COL22A1: variants seen among roughly 807,000 people sequenced by gnomAD.
The protein encoded by COL22A1 is collagen type XXII alpha 1 chain.
COL22A1 carries 221 observed loss-of-function variants against 248.9 expected under a neutral mutation model. That is an observed-to-expected ratio of 0.89 (90% confidence interval 0.80 to 0.99). The LOEUF is 0.99. Among genes scored for constraint, COL22A1 ranks in the 50% least tolerant of loss-of-function variants. The pLI is 0.00. For missense variants in COL22A1, 2,240 were observed against 2,179.0 expected, an observed-to-expected ratio of 1.03 and a Z score of -0.56; for synonymous variants, 891 against 793.4, an observed-to-expected ratio of 1.12 and a Z score of -2.07.
chr8:138,732,853 T>G (rs920460506), intron 23 of COL22A1, among the ~76,000 whole-genome samples: 2 of 152,234 alleles, frequency 1.3e-5, no homozygotes, highest in African/African-American at 2.4e-5. Flanking sequence ...TTATCATTAG[T>G]AAAGAATAAT....
intron 16 of COL22A1, 122 bp from the exon 17 acceptor site, chr8:138,762,588 G>GCACACACACA (rs5895560): frequency 1.8e-6 from 1 of 551,052 alleles, no homozygotes; most frequent in South Asian, 2.1e-5. Flanking sequence ...AAACGCACGT[G>GCACACACACA]CACACACACA....
At chr8:138,802,037 A>G (rs1322852304) in intron 11 of COL22A1, among the ~76,000 whole-genome samples, 1 of 152,224 alleles carries the variant, frequency 6.6e-6, no homozygotes, top group Non-Finnish European at 1.5e-5. Flanking sequence ...CCACCAGGAC[A>G]GGGACTGACT....
In COL22A1 at chr8:138,649,617, A is replaced by G. The variant is rs771173322; in HGVS notation, c.3447+48T>C. On this transcript the variant is annotated intron_variant, in intron 46 of 64. Transcript: ENST00000303045. ...GGGCAATACTGAGATCTCCAGAATG[A>G]TATTTTCATTGTAATGATAAAAATC... 8 of 1,579,234 alleles carry G rather than the reference A, an allele frequency of 5.1e-6. No homozygotes were observed. In the South Asian group the frequency reaches 8.1e-5, roughly 16 times the overall value.
chr8:138,645,252 C>T (rs1043509185), intron 47 of COL22A1, among the ~76,000 whole-genome samples: 1 of 152,094 alleles, frequency 6.6e-6, no homozygotes, highest in Non-Finnish European at 1.5e-5. Flanking sequence ...GCCAGAGGAC[C>T]ACTCAGAACG....
At chr8:138,738,670 C>G (rs187826368) in intron 22 of COL22A1, among the ~76,000 whole-genome samples, 63 of 152,280 alleles carry the variant, frequency 4.1e-4, no homozygotes, top group African/African-American at 1.5e-3. Context: ...TAGTAAGGGG[C>G]AGAGTTCAGA....
At chr8:138,774,556 C>A (rs1343001641) in intron 16 of COL22A1, among the ~76,000 whole-genome samples, 1 of 151,714 alleles carries the variant, frequency 6.6e-6, no homozygotes, top group East Asian at 1.9e-4. Flanking sequence ...GTAGCTGGGA[C>A]TACAGGCGCC....
chr8:138,865,181 G>GT (rs369093766), intron 3 of COL22A1, among the ~76,000 whole-genome samples: 34 of 150,330 alleles, frequency 2.3e-4, no homozygotes, highest in South Asian at 8.4e-4. Flanking sequence ...TTTTAACAGA[G>GT]TTTTTTTTTT....
At chr8:138,762,325 G>A (rs1833555114) in intron 17 of COL22A1, 88 bp downstream of exon 17, 2 of 1,330,436 alleles carry the variant, frequency 1.5e-6, no homozygotes, top group South Asian at 1.2e-5. Flanking sequence ...CAGGTGCTGA[G>A]GCTCTGTGGA....
At chr8:138,602,093 G>A in intron 60 of COL22A1, 22 bp downstream of exon 60, 1 of 1,613,980 alleles carries the variant, frequency 6.2e-7, no homozygotes, top group Non-Finnish European at 8.5e-7. Flanking sequence ...GCGTGTTCAA[G>A]GTGCCTGTGC....
At chr8:138,693,192 T>G (rs185451725) in intron 35 of COL22A1, among the ~76,000 whole-genome samples, 12 of 152,196 alleles carry the variant, frequency 7.9e-5, no homozygotes, top group African/African-American at 2.9e-4. Context: ...CAGGAGCAGC[T>G]GAGGAGTGTG....
chr8:138,722,866 G>GGGGA (rs1434606361), intron 25 of COL22A1, among the ~76,000 whole-genome samples: 16 of 77,486 alleles, frequency 2.1e-4, no homozygotes, highest in East Asian at 9.5e-4. Flanking sequence ...GGGGGTGGTG[G>GGGGA]AAAACACACC....
At chr8:138,792,509 G>A (rs1296365819) in intron 12 of COL22A1, among the ~76,000 whole-genome samples, 1 of 152,170 alleles carries the variant, frequency 6.6e-6, no homozygotes. Flanking sequence ...AGGCTCTCAT[G>A]CTTACATCCT....
intron 3 of COL22A1, among the ~76,000 whole-genome samples, chr8:138,874,388 C>G (rs1823556830): frequency 6.6e-6 from 1 of 152,208 alleles, no homozygotes; most frequent in African/African-American, 2.4e-5. Flanking sequence ...GGTTTTCCTT[C>G]ATGTATCAGA....
chr8:138,768,647 C>T (rs886081597), intron 16 of COL22A1, among the ~76,000 whole-genome samples: 3 of 152,152 alleles, frequency 2.0e-5, no homozygotes, highest in Admixed American at 6.5e-5. Flanking sequence ...CAGTAAAGAA[C>T]GCCATTATGG....
rs1373090589 is a variant in COL22A1 at position 138,589,457 on chromosome 8, A to G, written c.4694-17T>C. 2 of 1,497,964 alleles carry G rather than the reference A, an allele frequency of 1.3e-6. No homozygotes were observed. 92.8% of individuals were successfully genotyped at this position (1,497,964 alleles called of 1,614,324 possible). On this transcript the variant is annotated splice_polypyrimidine_tract_variant and intron_variant, in intron 64 of 64. Transcript: ENST00000303045. ...CGGGTTGACCTGGCCCAAGGAGCAAAAGAAACAGAAGGTGGTTCAAGATCC... is the reference window on the plus strand; with the variant it reads ...CGGGTTGACCTGGCCCAAGGAGCAAGAGAAACAGAAGGTGGTTCAAGATCC...
chr8:138,734,703 C>T (rs539723379), intron 23 of COL22A1, among the ~76,000 whole-genome samples: 1 of 152,330 alleles, frequency 6.6e-6, no homozygotes, highest in African/African-American at 2.4e-5. Context: ...ATAAATCATT[C>T]TACCGTAAAG....
chr8:138,600,650 C>T (rs1037508785), intron 60 of COL22A1, among the ~76,000 whole-genome samples: 2 of 152,226 alleles, frequency 1.3e-5, no homozygotes, highest in African/African-American at 4.8e-5. Context: ...ATTGCATTCA[C>T]TTGTCCTGCA....
At chr8:138,781,014 A>G (rs1254061946) in intron 12 of COL22A1, 34 bp from the exon 13 acceptor site, 1 of 1,460,364 alleles carries the variant, frequency 6.8e-7, no homozygotes, top group Admixed American at 1.9e-5. Context: ...CAATTAGTAA[A>G]GAATAACTGA....
chr8:138,735,375 C>T (rs57169449), intron 23 of COL22A1, among the ~76,000 whole-genome samples: 2 of 152,122 alleles, frequency 1.3e-5, no homozygotes, highest in Non-Finnish European at 2.9e-5. Flanking sequence ...CAGGGTGCTA[C>T]TCCCTGCCAT....
Sources: gnomAD v4.1 joint callset for allele counts (sites outside exome capture counted in the v4.1 genomes callset) on GRCh38, gnomAD v4.1.1 for gene constraint, MANE v1.5 for transcripts, NCBI Gene and HGNC (gene_info 2026-07-23, HGNC 2026-07-21) for gene names.